The following AOC3 variants were observed in gnomAD, a reference collection of about 807,000 sequenced individuals.
The protein encoded by AOC3 is amine oxidase [copper-containing] 3.
A neutral mutation model predicts 55.4 loss-of-function variants in AOC3; 47 were observed. The observed-to-expected ratio is 0.85, with a 90% confidence interval of 0.67 to 1.08. The LOEUF is 1.08. Ranked by LOEUF, AOC3 falls within the 50% of genes least tolerant of loss-of-function variation. The pLI is 0.00. For synonymous variants in AOC3, 386 were observed against 410.7 expected, an observed-to-expected ratio of 0.94 and a Z score of 0.73; for missense variants, 853 against 993.1, an observed-to-expected ratio of 0.86 and a Z score of 1.90.
chr17:42,852,086 T>G lies in AOC3; in HGVS notation c.743T>G (p.Leu248Arg). Residue 248 changes from leucine (L) to arginine (R), a missense_variant, in exon 1 of 4, where the codon CTA (leucine) becomes CGA (arginine). Physicochemically the swap from Leu to Arg is moderately radical, Grantham distance 102. Coordinates refer to ENST00000308423, the MANE Select transcript of AOC3 (RefSeq NM_003734.4). Reference protein sequence around the residue: ...FFLHHVGLELLVNHKALDPAR... With the variant: ...FFLHHVGLELRVNHKALDPAR... ...CTGCACCACGTGGGCTTGGAGCTGCTAGTGAACCACAAGGCCCTTGACCCT... is the reference window on the plus strand; with the variant it reads ...CTGCACCACGTGGGCTTGGAGCTGCGAGTGAACCACAAGGCCCTTGACCCT... 1 of 1,613,750 alleles carries G rather than the reference T, an allele frequency of 6.2e-7. No individual in the cohort carries two copies.
rs1467682525 is a variant in AOC3 at position 42,857,806 on chromosome 17, C to A, written c.*1256C>A. On this transcript the variant is annotated 3_prime_UTR_variant, in exon 4 of 4. Transcript: ENST00000308423. ...TCAATTCTGATACAGCCTTACAATA[C>A]AATAGTATGCAGCTAAAAAATAATT... 1 of 152,198 alleles carries A rather than the reference C, an allele frequency of 6.6e-6. No individual in the cohort carries two copies. The highest frequency in any genetic ancestry group is 1.5e-5 in the Non-Finnish European group (1 of 68,048). 9.4% of individuals were successfully genotyped at this position (152,198 alleles called of 1,614,324 possible).
Position 42,856,662 on chromosome 17 carries a change from TC to T in AOC3, c.*113del. ...GGTTCCCTCTTTCCTGTGCCAGGAC[TC>T]TCTTTCTTCCACTACCCTCCCTCGC... On this transcript the variant is annotated 3_prime_UTR_variant, in exon 4 of 4. Transcript: ENST00000308423. The T allele has an allele frequency of 7.7e-7, 1 of 1,297,912 alleles. No homozygotes were observed. The allele number at this position is 1,297,912 out of a possible 1,614,324, so 80.4% of individuals were successfully genotyped here.
Position 42,855,571 on chromosome 17 carries a change from A to G in AOC3, c.2014A>G (p.Lys672Glu). 3.7e-6 allele frequency: 6 copies of G among 1,614,144 alleles called. No homozygotes were observed. Among genetic ancestry groups the G allele is most frequent in the Non-Finnish European group, 5.1e-6 (6 of 1,180,012 alleles). The change falls in exon 3 of 4, where the codon AAG becomes GAG. Residue 672 changes from lysine (K) to glutamate (E), a missense_variant and splice_region_variant. Lys to Glu is a moderately conservative substitution (Grantham distance 56). Transcript: ENST00000308423. ...CATCAACAATGAGACCATTGCTGGA[A>G]AGGTCAGCTGGCCGGGGTAGAGGGT... is the stretch of plus-strand genomic sequence containing the variant. ...DFINNETIAGKDLVAWVTAGF... is the reference protein window; with the variant it reads ...DFINNETIAGEDLVAWVTAGF...
Position 42,854,694 on chromosome 17 carries a change from C to T in AOC3, c.1847C>T (p.Pro616Leu), listed in dbSNP as rs766163830. Residue 616 changes from proline (P) to leucine (L), a missense_variant, in exon 2 of 4, where the codon CCC becomes CTC. Pro to Leu is a moderately conservative substitution (Grantham distance 98). Coordinates refer to ENST00000308423, the MANE Select transcript of AOC3 (RefSeq NM_003734.4). ...CTCAGCTTTGCTGGAGAGCCGCTGC[C>T]CCAAAACAGCTCCATGGCGAGAGGC... ...QMLSFAGEPL[P>L]QNSSMARGFS... 2.3e-5 allele frequency: 35 copies of T among 1,505,962 alleles called. No individual in the cohort carries two copies. Among genetic ancestry groups the T allele is most frequent in the Non-Finnish European group, 2.9e-5 (33 of 1,121,812 alleles). The allele number at this position is 1,505,962 out of a possible 1,614,324, so 93.3% of individuals were successfully genotyped here.
intron 1 of AOC3, 25 bp downstream of exon 1, chr17:42,852,968 G>T: frequency 1.9e-6 from 3 of 1,590,048 alleles, no homozygotes; most frequent in South Asian, 1.1e-5. Flanking sequence ...TGGGGAGAAG[G>T]CTTCTGGAAG....
At position 42,855,574 on chromosome 17, in the gene AOC3, G is replaced by C. The variant is rs2055738488; in HGVS notation, c.2016+1G>C. On this transcript the variant is annotated splice_donor_variant, in intron 3 of 3. Transcript: ENST00000308423. LOFTEE classifies it high-confidence loss of function. ...CAACAATGAGACCATTGCTGGAAAGGTCAGCTGGCCGGGGTAGAGGGTACA... is the reference window on the plus strand; with the variant it reads ...CAACAATGAGACCATTGCTGGAAAGCTCAGCTGGCCGGGGTAGAGGGTACA... 6.2e-7 allele frequency: 1 copy of C among 1,614,182 alleles called. No homozygotes were observed. Among genetic ancestry groups the C allele is most frequent in the Admixed American group, 1.7e-5 (1 of 60,038 alleles).
At position 42,851,915 on chromosome 17, in the gene AOC3, C is replaced by A; in HGVS notation, c.572C>A (p.Ala191Asp). ...QMIFNRELPQASGLLHHCCFY... is the reference protein window; with the variant it reads ...QMIFNRELPQDSGLLHHCCFY... ...ATCTTCAACAGAGAGCTGCCCCAGGCTTCTGGGCTTCTCCACCACTGTTGC... is the reference window on the plus strand; with the variant it reads ...ATCTTCAACAGAGAGCTGCCCCAGGATTCTGGGCTTCTCCACCACTGTTGC... The change falls in exon 1 of 4, where the codon GCT (alanine) becomes GAT (aspartate). Residue 191 changes from alanine to aspartate, a missense_variant. By Grantham distance (126) the Ala-to-Asp change is moderately radical. Coordinates refer to ENST00000308423, the MANE Select transcript of AOC3 (RefSeq NM_003734.4). 6.2e-7 allele frequency: 1 copy of A among 1,613,774 alleles called. No individual in the cohort carries two copies. The highest frequency in any genetic ancestry group is 8.5e-7 in the Non-Finnish European group (1 of 1,179,972).
chr17:42,851,486 C>T lies in AOC3; in HGVS notation c.143C>T (p.Ala48Val), dbSNP rs767200405. The T allele has an allele frequency of 6.2e-7, 1 of 1,614,230 alleles. No individual in the cohort carries two copies. The highest frequency in any genetic ancestry group is 8.5e-7 in the Non-Finnish European group (1 of 1,180,042). Reference sequence around the variant, plus strand: ...CATTGCCCCTCTGTATCTCCCAGTGCCCAGCCTTGGACACACCCTGGCCAG... The same window carrying T: ...CATTGCCCCTCTGTATCTCCCAGTGTCCAGCCTTGGACACACCCTGGCCAG... ...LPHCPSVSPSAQPWTHPGQSQ... is the reference protein window; with the variant it reads ...LPHCPSVSPSVQPWTHPGQSQ... Residue 48 changes from alanine to valine, a missense_variant, in exon 1 of 4, where the codon GCC becomes GTC. By Grantham distance (64) the Ala-to-Val change is moderately conservative. Coordinates refer to ENST00000308423, the MANE Select transcript of AOC3 (RefSeq NM_003734.4).
intron 3 of AOC3, 21 bp from the exon 4 acceptor site, chr17:42,856,254 C>T: frequency 3.1e-6 from 5 of 1,611,082 alleles, no homozygotes; most frequent in Non-Finnish European, 4.2e-6. Flanking sequence ...CCTCGTGATC[C>T]TCTTTCTTCT....
rs1209077124 is a variant in AOC3, at chr17:42,854,642, C to T, written c.1795C>T (p.His599Tyr). ...CAGCAACCACAGCAACAAGTGGGGT[C>T]ACCCCCGGGGCTACCGCATCCAGAT... ...LASNHSNKWGHPRGYRIQMLS... is the reference protein window; with the variant it reads ...LASNHSNKWGYPRGYRIQMLS... Residue 599 changes from histidine (H) to tyrosine (Y), a missense_variant, in exon 2 of 4, where the codon CAC becomes TAC. Physicochemically the swap from His to Tyr is moderately conservative, Grantham distance 83 (BLOSUM62 2). Coordinates refer to ENST00000308423, the MANE Select transcript of AOC3 (RefSeq NM_003734.4). The T allele has an allele frequency of 6.3e-7, 1 of 1,578,630 alleles. No individual in the cohort carries two copies. The highest frequency in any genetic ancestry group is 1.2e-5 in the South Asian group (1 of 86,534).
Position 42,854,566 on chromosome 17 carries a change from G to GC in AOC3, c.1720dup (p.Gln574ProfsTer71), listed in dbSNP as rs1466834397. ...CCCGGAAGCTGCTGGAGATGGAGGA[G>GC]CAGGCCGCCTTCCTCGTGGGAAGCG... On this transcript the variant is annotated frameshift_variant, in exon 2 of 4. Transcript: ENST00000308423. LOFTEE classifies it high-confidence loss of function. The GC allele has an allele frequency of 6.2e-7, 1 of 1,611,052 alleles. No homozygotes were observed. Among genetic ancestry groups the GC allele is most frequent in the Non-Finnish European group, 8.5e-7 (1 of 1,178,612 alleles).
rs200003631 is a variant in AOC3 at position 42,852,812 on chromosome 17, A to G, written c.1469A>G (p.Tyr490Cys). ...HPSGAIEIRF[Y>C]ATGYISSAFL... ...AGTGGGGCCATAGAAATACGATTCTATGCCACGGGCTACATCAGCTCGGCA... is the reference window on the plus strand; with the variant it reads ...AGTGGGGCCATAGAAATACGATTCTGTGCCACGGGCTACATCAGCTCGGCA... Residue 490 changes from tyrosine (Y) to cysteine (C), a missense_variant, in exon 1 of 4, where the codon TAT becomes TGT. Coordinates refer to ENST00000308423, the MANE Select transcript of AOC3 (RefSeq NM_003734.4). 53 of 1,614,014 alleles carry G rather than the reference A, an allele frequency of 3.3e-5. No homozygotes were observed. Among genetic ancestry groups the G allele is most frequent in the African/African-American group, 1.3e-5 (1 of 74,926 alleles).
chr17:42,851,275 C>T lies in AOC3; in HGVS notation c.-69C>T. The stretch of plus-strand genomic sequence containing the variant: ...CACCCCGTCCAGGAGCCAACAGAGC[C>T]CCCGTCTTGCTGGCGTGAGAATACA... On this transcript the variant is annotated 5_prime_UTR_variant, in exon 1 of 4. Coordinates refer to ENST00000308423, the MANE Select transcript of AOC3 (RefSeq NM_003734.4). 1 of 1,511,186 alleles carries T rather than the reference C, an allele frequency of 6.6e-7. No homozygotes were observed. The highest frequency in any genetic ancestry group is 2.3e-5 in the East Asian group (1 of 43,820). The allele number at this position is 1,511,186 out of a possible 1,614,324, so 93.6% of individuals were successfully genotyped here. A position where few individuals can be genotyped will look rare whatever the true frequency, so the allele number is the denominator to read the frequency against.
At chr17:42,856,066 T>C (rs1880821439) in intron 3 of AOC3, among the ~76,000 whole-genome samples, 1 of 152,142 alleles carries the variant, frequency 6.6e-6, no homozygotes, top group African/African-American at 2.4e-5. Flanking sequence ...ATGGGCGATA[T>C]GATGGGAAAT....
At position 42,852,711 on chromosome 17, in the gene AOC3, G is replaced by A. The variant is rs562607668; in HGVS notation, c.1368G>A (p.Ala456=). The A allele has an allele frequency of 9.9e-6, 16 of 1,614,186 alleles. No individual in the cohort carries two copies. The highest frequency in any genetic ancestry group is 5.3e-5 in the African/African-American group (4 of 75,048). ...DLYSHYFGGL[A]ETVLVVRSMS... ...ACTCGCACTACTTTGGGGGTCTTGC[G>A]GAAACGGTGCTGGTCGTCAGATCTA... The change falls in exon 1 of 4, where the codon GCG becomes GCA. Residue 456 remains alanine, a synonymous_variant. Transcript: ENST00000308423.
At position 42,856,137 on chromosome 17, in the gene AOC3, C is replaced by T. The variant is rs2055744916; in HGVS notation, c.2017-138C>T. The T allele has an allele frequency of 2.9e-6, 3 of 1,037,982 alleles. No individual in the cohort carries two copies. In the East Asian group the frequency reaches 7.2e-5, roughly 25 times the overall value. The allele number at this position is 1,037,982 out of a possible 1,614,324, so 64.3% of individuals were successfully genotyped here. ...GCAGGTGTTCCTAATATGAAATGGA[C>T]TACTTATGCTTTGACTCCTACCCAG... is the stretch of plus-strand genomic sequence containing the variant. On this transcript the variant is annotated intron_variant, in intron 3 of 3. Transcript: ENST00000308423.
rs891191248 is a variant in AOC3 at position 42,851,730 on chromosome 17, C to T, written c.387C>T (p.Phe129=). ...PPAREALAIV[F]FGRQPQPNVS... ...CCCGGGAGGCACTGGCCATCGTCTTCTTTGGCAGGCAACCCCAGCCCAACG... is the reference window on the plus strand; with the variant it reads ...CCCGGGAGGCACTGGCCATCGTCTTTTTTGGCAGGCAACCCCAGCCCAACG... Residue 129 remains phenylalanine, a synonymous_variant, in exon 1 of 4, where the codon TTC becomes TTT. Transcript: ENST00000308423. The T allele has an allele frequency of 3.1e-6, 5 of 1,612,234 alleles. No homozygotes were observed. The African/African-American group carries it at 6.7e-5, about 22-fold the overall frequency.
At position 42,851,725 on chromosome 17, in the gene AOC3, G is replaced by A. The variant is rs762768941; in HGVS notation, c.382G>A (p.Val128Ile). ...ACCTGCCCGGGAGGCACTGGCCATC[G>A]TCTTCTTTGGCAGGCAACCCCAGCC... Reference protein sequence around the residue: ...PPPAREALAIVFFGRQPQPNV... With the variant: ...PPPAREALAIIFFGRQPQPNV... The change falls in exon 1 of 4, where the codon GTC (valine) becomes ATC (isoleucine). Residue 128 changes from valine to isoleucine, a missense_variant. Val to Ile is a conservative substitution (Grantham distance 29). Coordinates refer to ENST00000308423, the MANE Select transcript of AOC3 (RefSeq NM_003734.4). 3.7e-5 allele frequency: 60 copies of A among 1,612,108 alleles called. No individual in the cohort carries two copies. The highest frequency in any genetic ancestry group is 4.3e-5 in the Non-Finnish European group (51 of 1,179,452).
chr17:42,852,103 C>T lies in AOC3; in HGVS notation c.760C>T (p.Leu254Phe), dbSNP rs774386050. Reference sequence around the variant, plus strand: ...GGAGCTGCTAGTGAACCACAAGGCCCTTGACCCTGCCCGCTGGACTATCCA... The same window carrying T: ...GGAGCTGCTAGTGAACCACAAGGCCTTTGACCCTGCCCGCTGGACTATCCA... ...GLELLVNHKA[L>F]DPARWTIQKV... The change falls in exon 1 of 4, where the codon CTT (leucine) becomes TTT (phenylalanine). Residue 254 changes from leucine (L) to phenylalanine (F), a missense_variant. By Grantham distance (22) the Leu-to-Phe change is conservative. Transcript: ENST00000308423. 1.2e-6 allele frequency: 2 copies of T among 1,613,896 alleles called. No individual in the cohort carries two copies. The highest frequency in any genetic ancestry group is 1.7e-6 in the Non-Finnish European group (2 of 1,179,846).
Sources: allele counts gnomAD v4.1 joint callset (sites outside exome capture counted in the v4.1 genomes callset), GRCh38; gene constraint gnomAD v4.1.1; transcripts MANE v1.5; gene names NCBI Gene and HGNC (gene_info 2026-07-23, HGNC 2026-07-21).